NRXN1: variants seen among roughly 807,000 people sequenced by gnomAD.
NRXN1 encodes the protein neurexin-1.
Under a neutral mutation model 150.9 loss-of-function variants are expected in NRXN1, and 39 were observed. The ratio of observed to expected loss-of-function variants is 0.26; its 90% CI spans 0.20 to 0.34. The LOEUF is 0.34. NRXN1 is among the 10% of genes least tolerant of loss of function. The pLI is 1.00. For missense variants in NRXN1, 1,815 were observed against 1,949.9 expected (o/e 0.93, Z 1.30); for synonymous variants, 924 against 757.0 (o/e 1.22, Z -3.62).
intron 22 of NRXN1, chr2:49,926,492 T>C (rs756106140): frequency 2.3e-5 from 9 of 396,340 alleles, no homozygotes; most frequent in Admixed American, 4.4e-5. Flanking sequence ...TTTGGACAGT[T>C]AGTAACCTAT....
intron 18 of NRXN1, among the ~76,000 whole-genome samples, chr2:50,197,708 G>A (rs888249367): frequency 1.3e-5 from 2 of 151,902 alleles, no homozygotes; most frequent in Non-Finnish European, 2.9e-5. Flanking sequence ...CTCCCATTCA[G>A]TACAGATATC....
intron 2 of NRXN1, among the ~76,000 whole-genome samples, chr2:50,942,312 T>C (rs1249489403): frequency 1.3e-5 from 2 of 152,134 alleles, no homozygotes; most frequent in African/African-American, 4.8e-5. Flanking sequence ...AGAGGAAATA[T>C]GGGGTTGGAG....
Position 50,497,733 on chromosome 2 carries a change from T to C in NRXN1, c.2498-19A>G, listed in dbSNP as rs774697177. The C allele has an allele frequency of 3.2e-6, 5 of 1,574,818 alleles. No homozygotes were observed. The highest frequency in any genetic ancestry group is 1.7e-4 in the Middle Eastern group (1 of 5,876). On this transcript the variant is annotated intron_variant, in intron 13 of 22. Coordinates refer to ENST00000401669, the MANE Select transcript of NRXN1 (RefSeq NM_001330078.2). ...ATTTGACCTAAAAGAGAAGATAATA[T>C]ATGATTATTTTCTGTATCTGAAAGG...
intron 2 of NRXN1, among the ~76,000 whole-genome samples, chr2:50,942,261 GAATGGA>G (rs1689571522): frequency 6.6e-6 from 1 of 152,184 alleles, no homozygotes; most frequent in African/African-American, 2.4e-5. Context: ...TCTACTGTGG[GAATGGA>G]GCCCACATGG....
chr2:50,320,008 G>A (rs923011345), intron 17 of NRXN1, among the ~76,000 whole-genome samples: 1 of 151,678 alleles, frequency 6.6e-6, no homozygotes, highest in African/African-American at 2.4e-5. Flanking sequence ...GAGGTACACA[G>A]GTAAAGGACA....
chr2:49,995,072 C>A (rs1165893346), intron 21 of NRXN1, among the ~76,000 whole-genome samples: 1 of 152,172 alleles, frequency 6.6e-6, no homozygotes, highest in African/African-American at 2.4e-5. Flanking sequence ...TTCTCTCCAA[C>A]CTTCTTTGCA....
At chr2:50,444,653 T>C (rs947098334) in intron 17 of NRXN1, among the ~76,000 whole-genome samples, 6 of 152,062 alleles carry the variant, frequency 3.9e-5, no homozygotes, top group African/African-American at 1.4e-4. Context: ...GTGAGTAAGA[T>C]AAATAACATT....
chr2:50,964,638 C>T (rs1195537854), intron 2 of NRXN1, among the ~76,000 whole-genome samples: 1 of 151,442 alleles, frequency 6.6e-6, no homozygotes, highest in African/African-American at 2.4e-5. Flanking sequence ...CGCTTCAGTA[C>T]AATTCATTAC....
chr2:50,746,504 G>A (rs144165860), intron 5 of NRXN1, among the ~76,000 whole-genome samples: 2 of 152,154 alleles, frequency 1.3e-5, no homozygotes, highest in Non-Finnish European at 2.9e-5. Flanking sequence ...GCTGCAGTGA[G>A]CCATGATTAT....
intron 8 of NRXN1, among the ~76,000 whole-genome samples, chr2:50,567,525 A>G (rs966422364): frequency 6.6e-6 from 1 of 152,166 alleles, no homozygotes; most frequent in African/African-American, 2.4e-5. Context: ...TTAAAACTTA[A>G]TAAGAAAAAG....
At chr2:50,870,499 C>G (rs1677615482) in intron 5 of NRXN1, among the ~76,000 whole-genome samples, 1 of 151,914 alleles carries the variant, frequency 6.6e-6, no homozygotes, top group African/African-American at 2.4e-5. Flanking sequence ...TTCTCAATGG[C>G]TTCCTATGTA....
chr2:50,709,643 G>T (rs1000659966), intron 5 of NRXN1, among the ~76,000 whole-genome samples: 1 of 152,154 alleles, frequency 6.6e-6, no homozygotes, highest in Non-Finnish European at 1.5e-5. Context: ...AAGACCAAGA[G>T]GAATCTGAAA....
At chr2:50,470,980 A>G (rs920409265) in intron 16 of NRXN1, among the ~76,000 whole-genome samples, 41 of 151,994 alleles carry the variant, frequency 2.7e-4, no homozygotes, top group African/African-American at 9.6e-4. Flanking sequence ...GACTGAAAAT[A>G]TACAGGATAC....
chr2:50,294,481 G>T (rs1191340664), intron 17 of NRXN1, among the ~76,000 whole-genome samples: 1 of 152,076 alleles, frequency 6.6e-6, no homozygotes, highest in Non-Finnish European at 1.5e-5. Context: ...TATTAAAAAA[G>T]CATTTACTAT....
intron 17 of NRXN1, among the ~76,000 whole-genome samples, chr2:50,395,909 C>A (rs528183555): frequency 9.2e-5 from 14 of 152,194 alleles, no homozygotes; most frequent in African/African-American, 3.4e-4. Flanking sequence ...TCCTGGTGAC[C>A]CTGATGACTC....
intron 18 of NRXN1, among the ~76,000 whole-genome samples, chr2:50,130,567 T>C (rs1705318502): frequency 6.6e-6 from 1 of 152,308 alleles, no homozygotes; most frequent in East Asian, 1.9e-4. Context: ...GGAATGCTGT[T>C]ACATAATATA....
At chr2:50,145,726 G>C (rs1707923330) in intron 18 of NRXN1, among the ~76,000 whole-genome samples, 1 of 151,692 alleles carries the variant, frequency 6.6e-6, no homozygotes, top group African/African-American at 2.4e-5. Flanking sequence ...ACATCTTGGA[G>C]TCAGAAGATG....
intron 8 of NRXN1, among the ~76,000 whole-genome samples, chr2:50,590,938 A>G (rs1336538254): frequency 6.6e-6 from 1 of 152,170 alleles, no homozygotes; most frequent in Non-Finnish European, 1.5e-5. Flanking sequence ...TCTAAATAAT[A>G]TAACTCCCTG....
At position 50,347,787 on chromosome 2, in the gene NRXN1, A is replaced by T. The variant is rs2078148734; in HGVS notation, c.3365-110817T>A. 1.0e-6 allele frequency: 1 copy of T among 986,762 alleles called. No individual in the cohort carries two copies. 61.1% of individuals were successfully genotyped at this position (986,762 alleles called of 1,614,324 possible). A position where few individuals can be genotyped will look rare whatever the true frequency, so the allele number is the denominator to read the frequency against. On this transcript the variant is annotated intron_variant, in intron 17 of 22. Transcript: ENST00000401669. The surrounding 1 kb of genome is among the most constrained non-coding windows in gnomAD (Gnocchi z 4.9). ...AAAAACCACACACGCTGGTGAAGCA[A>T]GGGGCTCTATGCAAATCTGCAGTCT...
Sources: allele counts gnomAD v4.1 joint callset (sites outside exome capture counted in the v4.1 genomes callset), GRCh38; gene constraint gnomAD v4.1.1; non-coding constraint Gnocchi (gnomAD v3.1); transcripts MANE v1.5; gene names NCBI Gene and HGNC (gene_info 2026-07-23, HGNC 2026-07-21).